POLD1: variants seen among roughly 807,000 people sequenced by gnomAD.
The protein encoded by POLD1 is DNA polymerase delta catalytic subunit.
Under a neutral mutation model 129.7 loss-of-function variants are expected in POLD1, and 79 were observed. The ratio of observed to expected loss-of-function variants is 0.61; its 90% CI spans 0.51 to 0.73. The LOEUF (loss-of-function observed/expected upper bound fraction) is 0.73, where lower values mean the gene tolerates loss of function less well. Among genes scored for constraint, POLD1 ranks in the 30% least tolerant of loss-of-function variants. The pLI is 0.00. For synonymous variants in POLD1, 714 were observed against 683.3 expected (o/e 1.04, Z -0.70); for missense variants, 1,338 against 1,595.8 (o/e 0.84, Z 2.75).
chr19:50,404,280 C>T (rs1202963516), intron 10 of POLD1, among the ~76,000 whole-genome samples: 85 of 149,170 alleles, frequency 5.7e-4, no homozygotes, highest in African/African-American at 2.1e-3. Context: ...TTTTTTTTTC[C>T]AAGACAAAGT....
chr19:50,417,110 G>T lies in POLD1; in HGVS notation c.3120+13G>T, dbSNP rs746682079. Reference sequence around the variant, plus strand: ...GTATCAGAAGGAGGTGAGAGGGCCGGGAGGTGAGGAGGGGCCAGGTGGGGA... The same window carrying T: ...GTATCAGAAGGAGGTGAGAGGGCCGTGAGGTGAGGAGGGGCCAGGTGGGGA... On this transcript the variant is annotated intron_variant, in intron 25 of 26. Transcript: ENST00000440232. 2.7e-5 allele frequency: 43 copies of T among 1,565,006 alleles called. No individual in the cohort carries two copies. In the African/African-American group the frequency reaches 5.6e-4, roughly 20 times the overall value.
At chr19:50,388,486 T>A (rs2038043288) in intron 1 of POLD1, among the ~76,000 whole-genome samples, 1 of 152,196 alleles carries the variant, frequency 6.6e-6, no homozygotes, top group African/African-American at 2.4e-5. Context: ...CTCCCTGCAT[T>A]ACAATAAAAA....
rs563675799 is a variant in POLD1 at position 50,386,177 on chromosome 19, T to C, written c.-2+1787T>C. On this transcript the variant is annotated intron_variant, in intron 1 of 26. Transcript: ENST00000440232. ...GTTTTTGAGACAGGGTCTTGCTCTG[T>C]CGCCCAGGCTGGAGTGCAGTGGCGC... Among the ~76,000 whole-genome samples the C allele has an allele frequency of 3.9e-5, 6 of 152,152 alleles. No individual in the cohort carries two copies. In the East Asian group the frequency reaches 9.7e-4, roughly 25 times the overall value.
At chr19:50,410,294 C>A (rs533173408) in intron 17 of POLD1, among the ~76,000 whole-genome samples, 1 of 152,230 alleles carries the variant, frequency 6.6e-6, no homozygotes, top group African/African-American at 2.4e-5. Context: ...TCCTGTCCAG[C>A]CTTCTCCCCT....
rs2230248 is a variant in POLD1 at position 50,407,353 on chromosome 19, C to T, written c.1713C>T (p.Pro571=). Residue 571 remains proline (P), a synonymous_variant, in exon 14 of 27, where the codon CCC becomes CCT. Transcript: ENST00000440232. ...RQAMHEGLLM[P]VVKSEGGEDY... The stretch of plus-strand genomic sequence containing the variant: ...CCATGCACGAGGGGCTGCTGATGCC[C>T]GTGGTGAAGTCAGAGGGCGGCGAGG... The T allele has an allele frequency of 3.0e-3, 4,912 of 1,612,714 alleles. 131 individuals carry two copies. The African/African-American group carries it at 0.054, about 18-fold the overall frequency.
In POLD1 at chr19:50,409,521, C is replaced by T. The variant is rs1555791976; in HGVS notation, c.2009C>T (p.Ala670Val). 1.9e-6 allele frequency: 3 copies of T among 1,613,556 alleles called. No individual in the cohort carries two copies. The highest frequency in any genetic ancestry group is 2.2e-5 in the South Asian group (2 of 91,084). Residue 670 changes from alanine (A) to valine (V), a missense_variant and splice_region_variant, in exon 17 of 27, where the codon GCC becomes GTC. Physicochemically the swap from Ala to Val is moderately conservative, Grantham distance 64. Transcript: ENST00000440232. The surrounding 1 kb of genome is among the most constrained non-coding windows in gnomAD (Gnocchi z 5.8). ...GCTTTCCCCGTGTTCCCTCGCAGGG[C>T]CAAGGCCGAGCTGGCCAAGGAGACA... ...LENLLSARKR[A>V]KAELAKETDP...
In POLD1 at chr19:50,398,890, G is replaced by A. The variant is rs2122194344; in HGVS notation, c.39G>A (p.Val13=). The part of the protein sequence containing the change: ...GKRRPGPGPG[V]PPKRARGGLW... ...GGCGGCCAGGCCCAGGGCCCGGGGT[G>A]CCCCCAAAGCGGGCCCGTGGGGGCC... Residue 13 remains valine (V), a synonymous_variant, in exon 2 of 27, where the codon GTG becomes GTA. Transcript: ENST00000440232. 2 of 1,605,836 alleles carry A rather than the reference G, an allele frequency of 1.2e-6. No homozygotes were observed. The highest frequency in any genetic ancestry group is 1.7e-6 in the Non-Finnish European group (2 of 1,177,594).
At chr19:50,397,135 A>C (rs536314806) in intron 1 of POLD1, among the ~76,000 whole-genome samples, 2 of 149,742 alleles carry the variant, frequency 1.3e-5, no homozygotes, top group African/African-American at 4.9e-5. Flanking sequence ...TTGGTGGCTC[A>C]CGCCTGAAAT....
chr19:50,385,584 A>G (rs2037942371), intron 1 of POLD1, among the ~76,000 whole-genome samples: 1 of 144,012 alleles, frequency 6.9e-6, no homozygotes, highest in Non-Finnish European at 1.5e-5. Flanking sequence ...GCTGGAATGC[A>G]GTGGTGCAAA....
chr19:50,410,444 C>T (rs2039050991), intron 17 of POLD1, among the ~76,000 whole-genome samples: 1 of 152,154 alleles, frequency 6.6e-6, no homozygotes, highest in South Asian at 2.1e-4. Context: ...GATGAATTCT[C>T]AGTGGGTGGG....
chr19:50,399,523 G>T (rs368575687), intron 3 of POLD1, 39 bp downstream of exon 3: 1 of 1,455,634 alleles, frequency 6.9e-7, no homozygotes, highest in South Asian at 1.1e-5. Context: ...GGGGCCCTGC[G>T]CTCCTGGGGC....
chr19:50,407,193 T>A lies in POLD1; in HGVS notation c.1686+19T>A, dbSNP rs756080516. ...GCGGCAGGTCAGTAGCCGAGACTTG[T>A]CCTCGCCACCCCCCACCAGGCACGT... On this transcript the variant is annotated intron_variant, in intron 13 of 26. Coordinates refer to ENST00000440232, the MANE Select transcript of POLD1 (RefSeq NM_002691.4). 1.3e-6 allele frequency: 2 copies of A among 1,587,536 alleles called. No individual in the cohort carries two copies. Among genetic ancestry groups the A allele is most frequent in the Non-Finnish European group, 1.7e-6 (2 of 1,161,360 alleles).
chr19:50,408,583 A>G (rs1162094742), intron 14 of POLD1: 3 of 757,554 alleles, frequency 4.0e-6, no homozygotes, highest in Non-Finnish European at 6.2e-6. Flanking sequence ...GGGTTTTGCC[A>G]TGTTGCCCAG....
Position 50,403,235 on chromosome 19 carries a change from C to T in POLD1, c.1137+16C>T, listed in dbSNP as rs56082047. On this transcript the variant is annotated intron_variant, in intron 9 of 26. Coordinates refer to ENST00000440232, the MANE Select transcript of POLD1 (RefSeq NM_002691.4). ...CCTGCTGCAGGTAGCTCTCGCTCCA[C>T]GCCCCACACCATTTCCCGGGGTCCC... The T allele has an allele frequency of 1.1e-4, 163 of 1,531,614 alleles. No homozygotes were observed. In the East Asian group the frequency reaches 1.8e-3, roughly 17 times the overall value. The allele number at this position is 1,531,614 out of a possible 1,614,324, so 94.9% of individuals were successfully genotyped here. A position where few individuals can be genotyped will look rare whatever the true frequency, so the allele number is the denominator to read the frequency against.
At chr19:50,410,821 C>T (rs2039063094) in intron 17 of POLD1, among the ~76,000 whole-genome samples, 1 of 152,108 alleles carries the variant, frequency 6.6e-6, no homozygotes, top group South Asian at 2.1e-4. Context: ...TGTGACTGGC[C>T]TTAGTGACTC....
In POLD1 at chr19:50,417,794, GC is replaced by G. The variant is rs769314899; in HGVS notation, c.3219-47del. 5 of 1,210,972 alleles carry G rather than the reference GC, an allele frequency of 4.1e-6. No homozygotes were observed. In the South Asian group the frequency reaches 6.4e-5, roughly 16 times the overall value. 75.0% of individuals were successfully genotyped at this position (1,210,972 alleles called of 1,614,324 possible). The stretch of plus-strand genomic sequence containing the variant: ...AGCCCCCACCCCTCTCCCAGGCTGG[GC>G]ACTGGGCCTTGGCTGGTCCTGACCC... On this transcript the variant is annotated intron_variant, in intron 26 of 26. Transcript: ENST00000440232.
At chr19:50,413,242 ATTGAGGAG>A (rs2122434612) in intron 17 of POLD1, among the ~76,000 whole-genome samples, 176 bp from the exon 18 acceptor site, 1 of 152,240 alleles carries the variant, frequency 6.6e-6, no homozygotes, top group South Asian at 2.1e-4. Flanking sequence ...CCACCTGACC[ATTGAGGAG>A]CCGCCTTATA....
chr19:50,417,880 G>A lies in POLD1; in HGVS notation c.3257G>A (p.Arg1086Gln), dbSNP rs3219457. Residue 1086 changes from arginine to glutamine, a missense_variant, in exon 27 of 27, where the codon CGG becomes CAG. Around this residue, in one of 3 missense-constraint regions of POLD1, gnomAD observed 286 missense variants for 277.5 expected, o/e 1.03. Transcript: ENST00000440232. The part of the protein sequence containing the change: ...CPIFYMRKKV[R>Q]KDLEDQEQLL... The stretch of plus-strand genomic sequence containing the variant: ...ATCTTCTACATGCGCAAGAAGGTGC[G>A]GAAGGACCTGGAAGACCAGGAGCAG... The A allele has an allele frequency of 6.5e-5, 104 of 1,610,986 alleles. 1 individual carries two copies. In the African/African-American group the frequency reaches 8.8e-4, roughly 14 times the overall value.
rs754269222 is a variant in POLD1, at chr19:50,398,960, G to A, written c.109G>A (p.Asp37Asn). 3 of 1,583,348 alleles carry A rather than the reference G, an allele frequency of 1.9e-6. No individual in the cohort carries two copies. The highest frequency in any genetic ancestry group is 1.8e-5 in the Admixed American group (1 of 54,510). Residue 37 changes from aspartate to asparagine, a missense_variant, in exon 2 of 27, where the codon GAC becomes AAC. This residue lies in a region of POLD1 where 332 missense variants were observed against 315.7 expected (regional missense o/e 1.05). Coordinates refer to ENST00000440232, the MANE Select transcript of POLD1 (RefSeq NM_002691.4). ...DAPRPSQFEE[D>N]LALMEEMEAE... ...ACCTCGGCCATCCCAATTCGAGGAG[G>A]ACCTGGCACTGATGGAGGAGATGGA...
Sources: allele counts gnomAD v4.1 joint callset (sites outside exome capture counted in the v4.1 genomes callset), GRCh38; gene constraint gnomAD v4.1.1; regional missense constraint gnomAD v4.1.1; non-coding constraint Gnocchi (gnomAD v3.1); transcripts MANE v1.5; gene names NCBI Gene and HGNC (gene_info 2026-07-23, HGNC 2026-07-21).